The following LMNTD1 variants were observed in gnomAD, a reference collection of about 807,000 sequenced individuals.
The protein encoded by LMNTD1 is lamin tail domain-containing protein 1.
LMNTD1 carries 35 observed loss-of-function variants against 50.9 expected under a neutral mutation model. That is an observed-to-expected ratio of 0.69 (90% confidence interval 0.53 to 0.91). LMNTD1 has a LOEUF of 0.91. LMNTD1 is among the 40% of genes least tolerant of loss of function. The probability of loss-of-function intolerance (pLI) is 0.00; values close to 1 mark genes in which losing one functional copy is unlikely to be tolerated. For missense variants in LMNTD1, 470 were observed against 475.5 expected (o/e 0.99, Z 0.11); for synonymous variants, 153 against 161.9 (o/e 0.94, Z 0.42).
chr12:25,508,495 A>G (rs1252138531), intron 8 of LMNTD1, among the ~76,000 whole-genome samples: 1 of 152,168 alleles, frequency 6.6e-6, no homozygotes, highest in Non-Finnish European at 1.5e-5. Flanking sequence ...GATTGTATGA[A>G]CACAGTATAA....
chr12:25,511,475 C>T (rs1009338965), intron 8 of LMNTD1, among the ~76,000 whole-genome samples: 7 of 152,130 alleles, frequency 4.6e-5, no homozygotes, highest in African/African-American at 1.7e-4. Flanking sequence ...GAGAATGAGA[C>T]ACTTGTAGGG....
At chr12:25,604,397 TGCA>T (rs1946048220) in intron 1 of LMNTD1, among the ~76,000 whole-genome samples, 1 of 152,260 alleles carries the variant, frequency 6.6e-6, no homozygotes, top group Admixed American at 6.5e-5. Flanking sequence ...GTGCACAACG[TGCA>T]GGTTTGTTAC....
chr12:25,543,495 T>C (rs1488577714), intron 4 of LMNTD1, among the ~76,000 whole-genome samples: 3 of 152,038 alleles, frequency 2.0e-5, no homozygotes, highest in Non-Finnish European at 2.9e-5. Flanking sequence ...TCTCACTAGA[T>C]GCATAGAAAG....
chr12:25,619,966 T>A (rs2136561623), intron 1 of LMNTD1, among the ~76,000 whole-genome samples: 1 of 152,378 alleles, frequency 6.6e-6, no homozygotes, highest in African/African-American at 2.4e-5. Context: ...TTCAAGGGAA[T>A]CCTTTGAACT....
At chr12:25,544,497 G>T (rs547871957) in intron 4 of LMNTD1, among the ~76,000 whole-genome samples, 13 of 151,694 alleles carry the variant, frequency 8.6e-5, no homozygotes, top group African/African-American at 2.9e-4. Flanking sequence ...GCTGGATTTT[G>T]TTTCCTTATC....
intron 8 of LMNTD1, 47 bp from the exon 9 acceptor site, chr12:25,503,847 G>C (rs1023945351): frequency 4.6e-6 from 5 of 1,082,572 alleles, no homozygotes; most frequent in Non-Finnish European, 5.4e-6. Flanking sequence ...GGCTAGGTAG[G>C]GAAGGGCAAG....
rs549955295 is a variant in LMNTD1 at position 25,481,046 on chromosome 12, C to G, written c.*23-4586G>C. Reference sequence around the variant, plus strand: ...ATACTCACTGGTCCCAGTTATACCCCCCTCTTATTCCTCCCACCACAGAGT... The same window carrying G: ...ATACTCACTGGTCCCAGTTATACCCGCCTCTTATTCCTCCCACCACAGAGT... On this transcript the variant is annotated intron_variant, in intron 9 of 9. Transcript: ENST00000458174. Among the ~76,000 whole-genome samples, 4 of 150,418 alleles carry G rather than the reference C, an allele frequency of 2.7e-5. No homozygotes were observed. The East Asian group carries it at 5.8e-4, about 22-fold the overall frequency.
intron 1 of LMNTD1, among the ~76,000 whole-genome samples, chr12:25,644,877 G>C (rs1947032784): frequency 6.6e-6 from 1 of 152,140 alleles, no homozygotes; most frequent in African/African-American, 2.4e-5. Flanking sequence ...AGAGACTGAG[G>C]TACATAGATT....
At chr12:25,543,185 TA>T (rs1555219921) in intron 4 of LMNTD1, among the ~76,000 whole-genome samples, 1 of 151,946 alleles carries the variant, frequency 6.6e-6, no homozygotes, top group Non-Finnish European at 1.5e-5. Flanking sequence ...ATAAGTTCTA[TA>T]AGACATTTAT....
intron 6 of LMNTD1, among the ~76,000 whole-genome samples, chr12:25,525,528 C>T (rs1941643092): frequency 6.6e-6 from 1 of 152,072 alleles, no homozygotes; most frequent in Admixed American, 6.6e-5. Flanking sequence ...TTAAATCTTC[C>T]CTTGACTTCG....
intron 1 of LMNTD1, among the ~76,000 whole-genome samples, chr12:25,626,636 G>A (rs1946595716): frequency 6.6e-6 from 1 of 152,166 alleles, no homozygotes; most frequent in South Asian, 2.1e-4. Flanking sequence ...AGAAGGGAAT[G>A]CACATAGTAT....
At chr12:25,518,070 C>T (rs554361907) in intron 8 of LMNTD1, among the ~76,000 whole-genome samples, 9 of 152,138 alleles carry the variant, frequency 5.9e-5, no homozygotes, top group African/African-American at 9.7e-5. Flanking sequence ...AAAAAACAAG[C>T]TCTTCTTTCC....
chr12:25,506,875 CTTAT>C (rs925772233), intron 8 of LMNTD1, among the ~76,000 whole-genome samples: 136 of 151,656 alleles, frequency 9.0e-4, no homozygotes, highest in Non-Finnish European at 2.5e-4. Flanking sequence ...TTTGCATTAT[CTTAT>C]TTATTTATTT....
chr12:25,484,111 A>G (rs1938532971), intron 9 of LMNTD1, among the ~76,000 whole-genome samples: 2 of 152,078 alleles, frequency 1.3e-5, no homozygotes, highest in South Asian at 4.1e-4. Flanking sequence ...GGGAGTTGAG[A>G]ATGAAAGAGA....
intron 9 of LMNTD1, among the ~76,000 whole-genome samples, chr12:25,502,044 A>T (rs922943946): frequency 1.3e-5 from 2 of 152,208 alleles, no homozygotes; most frequent in Admixed American, 6.5e-5. Context: ...AGATTTTTTT[A>T]AAAAATCAAA....
intron 1 of LMNTD1, among the ~76,000 whole-genome samples, chr12:25,559,813 T>G (rs1944215151): frequency 6.6e-6 from 1 of 152,284 alleles, no homozygotes; most frequent in Non-Finnish European, 1.5e-5. Context: ...TGAACATTTT[T>G]TCACGTGTCT....
intron 4 of LMNTD1, among the ~76,000 whole-genome samples, chr12:25,539,107 T>G (rs958427232): frequency 2.0e-5 from 3 of 148,536 alleles, no homozygotes; most frequent in Admixed American, 6.8e-5. Flanking sequence ...AGACTTCAAC[T>G]CCCACACATT....
At chr12:25,602,080 T>C (rs747768717) in intron 1 of LMNTD1, among the ~76,000 whole-genome samples, 1 of 151,932 alleles carries the variant, frequency 6.6e-6, no homozygotes, top group Admixed American at 6.6e-5. Context: ...TATCTATCCA[T>C]GCTTCTTTTA....
At chr12:25,600,180 A>G (rs1189838033) in intron 1 of LMNTD1, among the ~76,000 whole-genome samples, 1 of 152,080 alleles carries the variant, frequency 6.6e-6, no homozygotes, top group Non-Finnish European at 1.5e-5. Context: ...AAAAGGTGCC[A>G]AGAACATACA....
Sources: allele counts gnomAD v4.1 joint callset (sites outside exome capture counted in the v4.1 genomes callset), GRCh38; gene constraint gnomAD v4.1.1; transcripts MANE v1.5; gene names NCBI Gene and HGNC (gene_info 2026-07-23, HGNC 2026-07-21).